FANCI: variants seen among roughly 807,000 people sequenced by gnomAD.
The protein encoded by FANCI is FA complementation group I.
Under a neutral mutation model 176.1 loss-of-function variants are expected in FANCI, and 156 were observed. The ratio of observed to expected loss-of-function variants is 0.89; its 90% CI spans 0.78 to 1.01. The LOEUF is 1.01. Ranked by LOEUF, FANCI falls within the 50% of genes least tolerant of loss-of-function variation. The pLI is 0.00. For synonymous variants in FANCI, 613 were observed against 541.7 expected (o/e 1.13, Z -1.83); for missense variants, 1,678 against 1,534.1 (o/e 1.09, Z -1.57).
chr15:89,301,289 G>C, intron 26 of FANCI, 37 bp from the exon 27 acceptor site: 1 of 1,369,860 alleles, frequency 7.3e-7, no homozygotes, highest in Non-Finnish European at 1.0e-6. Flanking sequence ...GAACGTGTCT[G>C]CTAACATTGC....
At chr15:89,256,372 C>G (rs1348334100) in intron 2 of FANCI, among the ~76,000 whole-genome samples, 1 of 152,178 alleles carries the variant, frequency 6.6e-6, no homozygotes, top group Non-Finnish European at 1.5e-5. Flanking sequence ...ACCAAGTACT[C>G]TGTTGGAAGG....
chr15:89,307,697 A>C (rs564772882), intron 34 of FANCI, 25 bp downstream of exon 34: 3 of 1,614,162 alleles, frequency 1.9e-6, no homozygotes, highest in South Asian at 1.1e-5. Flanking sequence ...GGCAGTACCC[A>C]ATAGGTCTTC....
Position 89,261,867 on chromosome 15 carries a change from G to T in FANCI, c.492G>T (p.Leu164=), listed in dbSNP as rs984731224. 2 of 1,614,018 alleles carry T rather than the reference G, an allele frequency of 1.2e-6. No individual in the cohort carries two copies. Among genetic ancestry groups the T allele is most frequent in the African/African-American group, 1.3e-5 (1 of 75,024 alleles). The change falls in exon 6 of 38, where the codon CTG becomes CTT. Residue 164 remains leucine (L), a synonymous_variant. Coordinates refer to ENST00000310775, the MANE Select transcript of FANCI (RefSeq NM_001113378.2). ...GTAAGAAACAGTTGATTAACACCCT[G>T]TGTTCTGGCAGGTGAGTCTTGTTAA... ...EECKKQLINT[L]CSGRWDQQYV... is the part of the protein sequence containing the mutation.
chr15:89,291,496 C>A, intron 19 of FANCI, 117 bp from the exon 20 acceptor site: 1 of 823,180 alleles, frequency 1.2e-6, no homozygotes, highest in Non-Finnish European at 2.1e-6. Flanking sequence ...GTTCTTTGAA[C>A]AGTTGGGAAA....
At position 89,302,767 on chromosome 15, in the gene FANCI, G is replaced by T. The variant is rs1024407494; in HGVS notation, c.3007-1097G>T. Among the ~76,000 whole-genome samples, 9 of 152,020 alleles carry T rather than the reference G, an allele frequency of 5.9e-5. 1 individual carries two copies. Among genetic ancestry groups the T allele is most frequent in the Non-Finnish European group, 1.0e-4 (7 of 68,014 alleles). ...TTTTTGTATTTTTAATAGAGACGGG[G>T]TTTCACCGTGTTAGCCAGGATGATC... On this transcript the variant is annotated intron_variant, in intron 27 of 37. Coordinates refer to ENST00000310775, the MANE Select transcript of FANCI (RefSeq NM_001113378.2).
At chr15:89,280,590 T>C (rs1362586946) in intron 14 of FANCI, among the ~76,000 whole-genome samples, 1 of 152,188 alleles carries the variant, frequency 6.6e-6, no homozygotes, top group Non-Finnish European at 1.5e-5. Context: ...TCCTCATTGC[T>C]TTCCTAATAT....
intron 2 of FANCI, among the ~76,000 whole-genome samples, chr15:89,248,085 C>G (rs926747450): frequency 6.6e-6 from 1 of 152,180 alleles, no homozygotes; most frequent in Non-Finnish European, 1.5e-5. Flanking sequence ...ATTAGTTTTG[C>G]ATTTTGATGC....
chr15:89,273,567 C>A, intron 11 of FANCI, 98 bp downstream of exon 11: 1 of 780,464 alleles, frequency 1.3e-6, no homozygotes, highest in Non-Finnish European at 2.2e-6. Context: ...GTATCCGTTC[C>A]TAAACAATTT....
intron 1 of FANCI, chr15:89,245,159 T>G (rs2051891072): frequency 7.6e-6 from 1 of 131,786 alleles, no homozygotes; most frequent in Admixed American, 7.5e-5. Flanking sequence ...ATACTGAGCT[T>G]TTCTTTTCTT....
In FANCI at chr15:89,300,344, A is replaced by G. The variant is rs1469491927; in HGVS notation, c.2848A>G (p.Ser950Gly). ...EGEEREDADV[S>G]VTQRTAFQIR... The stretch of plus-strand genomic sequence containing the variant: ...AGAAGAGAGAGAAGATGCAGATGTC[A>G]GTGTCACTCAGAGAACAGCATTCCA... Residue 950 changes from serine to glycine, a missense_variant, in exon 26 of 38, where the codon AGT (serine) becomes GGT (glycine). By Grantham distance (56) the Ser-to-Gly change is moderately conservative (BLOSUM62 0). Coordinates refer to ENST00000310775, the MANE Select transcript of FANCI (RefSeq NM_001113378.2). 1 of 1,614,070 alleles carries G rather than the reference A, an allele frequency of 6.2e-7. No homozygotes were observed. The highest frequency in any genetic ancestry group is 1.3e-5 in the African/African-American group (1 of 75,060).
intron 11 of FANCI, 131 bp from the exon 12 acceptor site, chr15:89,274,035 AAC>A: frequency 1.5e-6 from 1 of 684,360 alleles, no homozygotes; most frequent in Non-Finnish European, 2.4e-6. Context: ...AGCTCATAGG[AAC>A]AGTTATAAGG....
intron 1 of FANCI, among the ~76,000 whole-genome samples, chr15:89,246,783 T>TTTTTTG (rs2051998998): frequency 6.8e-6 from 1 of 146,730 alleles, no homozygotes; most frequent in African/African-American, 2.5e-5. Flanking sequence ...TTTTTTTTTT[T>TTTTTTG]GAGACAGAGC....
At chr15:89,293,697 A>G in intron 22 of FANCI, 136 bp from the exon 23 acceptor site, 1 of 948,136 alleles carries the variant, frequency 1.1e-6, no homozygotes, top group Non-Finnish European at 1.6e-6. Flanking sequence ...GTATTATATT[A>G]ATGAAGTTCT....
chr15:89,311,232 C>T (rs1369992169), intron 34 of FANCI, among the ~76,000 whole-genome samples: 5 of 151,070 alleles, frequency 3.3e-5, no homozygotes, highest in African/African-American at 1.2e-4. Context: ...GCACTCCAGC[C>T]TGGGCAACAG....
At chr15:89,283,837 A>T (rs1567159118) in intron 17 of FANCI, among the ~76,000 whole-genome samples, 1 of 150,730 alleles carries the variant, frequency 6.6e-6, no homozygotes, top group Non-Finnish European at 1.5e-5. Flanking sequence ...ACTGCAACTC[A>T]CTGCAAGCTC....
In FANCI at chr15:89,313,900, T is replaced by TACACACAC. The variant is rs34352725; in HGVS notation, c.3721-693_3721-686dup. Among the ~76,000 whole-genome samples the TACACACAC allele has an allele frequency of 5.2e-3, 736 of 142,712 alleles. 10 individuals carry two copies. Among genetic ancestry groups the TACACACAC allele is most frequent in the African/African-American group, 0.018 (696 of 38,364 alleles). 93.6% of individuals were successfully genotyped at this position (142,712 alleles called of 152,430 possible). Reference sequence around the variant, plus strand: ...GTACAGTATCCTCATGGGTTAAAAATACACACACACACACACACACACACA... The same window carrying TACACACAC: ...GTACAGTATCCTCATGGGTTAAAAATACACACACACACACACACACACACACACACACA... On this transcript the variant is annotated intron_variant, in intron 35 of 37. Transcript: ENST00000310775.
Position 89,312,965 on chromosome 15 carries a change from C to T in FANCI, c.3713C>T (p.Thr1238Ile), listed in dbSNP as rs1370927164. ...AAGGAGAAACCTGCTGCCGTTGCCA[C>T]AGCCATGGTAAGCTGCTGACACTGA... The part of the protein sequence containing the change: ...EKKEKPAAVA[T>I]AMARVLRETK... The change falls in exon 35 of 38, where the codon ACA (threonine) becomes ATA (isoleucine). Residue 1238 changes from threonine (T) to isoleucine (I), a missense_variant. Physicochemically the swap from Thr to Ile is moderately conservative, Grantham distance 89. Transcript: ENST00000310775. The T allele has an allele frequency of 1.2e-6, 2 of 1,613,842 alleles. No homozygotes were observed. Among genetic ancestry groups the T allele is most frequent in the African/African-American group, 2.7e-5 (2 of 74,870 alleles).
intron 24 of FANCI, among the ~76,000 whole-genome samples, chr15:89,298,434 G>C (rs116536903): frequency 0.011 from 1,642 of 152,236 alleles, 28 homozygotes; most frequent in African/African-American, 0.038. Context: ...ATCTTGAATA[G>C]AATGGAAACA....
At chr15:89,265,774 G>A (rs193214590) in intron 9 of FANCI, among the ~76,000 whole-genome samples, 112 of 151,910 alleles carry the variant, frequency 7.4e-4, no homozygotes, top group Non-Finnish European at 1.4e-3. Context: ...CACCTGCCTC[G>A]GCCTCCCAAA....
Sources: allele counts gnomAD v4.1 joint callset (sites outside exome capture counted in the v4.1 genomes callset), GRCh38; gene constraint gnomAD v4.1.1; transcripts MANE v1.5; gene names NCBI Gene and HGNC (gene_info 2026-07-23, HGNC 2026-07-21).